Variants in EGFLAM observed in about 807,000 individuals in gnomAD.
The protein encoded by EGFLAM is pikachurin.
In EGFLAM, 79 loss-of-function variants were observed where a neutral mutation model predicts 113.1. That is an observed-to-expected ratio of 0.70 (90% CI 0.58 to 0.84). The LOEUF (loss-of-function observed/expected upper bound fraction) is 0.84. Among genes scored for constraint, EGFLAM ranks in the 40% least tolerant of loss-of-function variants. The pLI, the probability that EGFLAM is intolerant of heterozygous loss-of-function variation, is 0.00. For synonymous variants in EGFLAM, 504 were observed against 487.6 expected (o/e 1.03, Z -0.44); for missense variants, 1,265 against 1,291.6 (o/e 0.98, Z 0.32).
At chr5:38,348,547 A>T (rs1043795116) in intron 3 of EGFLAM, among the ~76,000 whole-genome samples, 2 of 152,170 alleles carry the variant, frequency 1.3e-5, no homozygotes, top group African/African-American at 2.4e-5. Flanking sequence ...ACTGAGATGC[A>T]CTCACTGGAT....
chr5:38,268,772 CAA>C (rs1054432999), intron 1 of EGFLAM, among the ~76,000 whole-genome samples: 8 of 152,144 alleles, frequency 5.3e-5, no homozygotes, highest in African/African-American at 1.9e-4. Context: ...ACTAAACAGT[CAA>C]ATTGATTTAG....
intron 3 of EGFLAM, among the ~76,000 whole-genome samples, chr5:38,346,200 C>T (rs895966386): frequency 2.6e-5 from 4 of 152,082 alleles, no homozygotes; most frequent in African/African-American, 2.4e-5. Flanking sequence ...ACTACAAATA[C>T]GATTTTGCTT....
chr5:38,368,532 G>A (rs553312059), intron 5 of EGFLAM, among the ~76,000 whole-genome samples: 9 of 152,110 alleles, frequency 5.9e-5, no homozygotes, highest in South Asian at 2.1e-4. Flanking sequence ...TGTTCACCCC[G>A]GCATCTTCTT....
intron 5 of EGFLAM, among the ~76,000 whole-genome samples, chr5:38,358,424 G>A (rs1336189311): frequency 1.5e-5 from 2 of 129,972 alleles, no homozygotes; most frequent in Non-Finnish European, 3.1e-5. Context: ...TCCAGCCTGG[G>A]CGACAGAGCA....
At chr5:38,428,803 A>G (rs138544466) in intron 14 of EGFLAM, among the ~76,000 whole-genome samples, 1 of 151,820 alleles carries the variant, frequency 6.6e-6, no homozygotes, top group Non-Finnish European at 1.5e-5. Context: ...GGTGCTTTTA[A>G]TTTTTTTTTG....
chr5:38,371,945 T>C (rs1740233413), intron 6 of EGFLAM, among the ~76,000 whole-genome samples: 1 of 152,068 alleles, frequency 6.6e-6, no homozygotes, highest in Non-Finnish European at 1.5e-5. Context: ...CCATCCACCC[T>C]CCCCATGGAA....
chr5:38,305,303 T>C, intron 1 of EGFLAM: 1 of 247,116 alleles, frequency 4.0e-6, no homozygotes, highest in Admixed American at 4.4e-5. Context: ...GCAAGAAGAT[T>C]GCAGGGCAAT....
chr5:38,303,219 T>G (rs1025054247), intron 1 of EGFLAM, among the ~76,000 whole-genome samples: 3 of 152,182 alleles, frequency 2.0e-5, no homozygotes, highest in African/African-American at 7.2e-5. Context: ...TTCATCACTC[T>G]TCAATCAGTG....
rs1478444718 is a variant in EGFLAM at position 38,258,679 on chromosome 5, C to G, written c.-76C>G. On this transcript the variant is annotated 5_prime_UTR_variant, in exon 1 of 22. Transcript: ENST00000322350. ...GCCCGGGGATCCGTTGGGGCCGCGT[C>G]CCCCACGCGCCCCCGGAGACGCCCT... 40 of 1,489,764 alleles carry G rather than the reference C, an allele frequency of 2.7e-5. No homozygotes were observed. The highest frequency in any genetic ancestry group is 2.9e-5 in the Non-Finnish European group (32 of 1,090,620). 92.3% of individuals were successfully genotyped at this position (1,489,764 alleles called of 1,614,324 possible).
intron 1 of EGFLAM, among the ~76,000 whole-genome samples, chr5:38,333,127 T>C (rs1358676889): frequency 6.6e-6 from 1 of 152,236 alleles, no homozygotes; most frequent in African/African-American, 2.4e-5. Context: ...ACAAAAGACA[T>C]GATCTCTTTC....
chr5:38,272,610 C>G (rs1030315568), intron 1 of EGFLAM, among the ~76,000 whole-genome samples: 1 of 152,176 alleles, frequency 6.6e-6, no homozygotes, highest in African/African-American at 2.4e-5. Flanking sequence ...GCAAAGCAGC[C>G]AAAAGCTAGA....
chr5:38,324,419 C>T (rs1028604255), intron 1 of EGFLAM, among the ~76,000 whole-genome samples: 2 of 152,206 alleles, frequency 1.3e-5, no homozygotes, highest in East Asian at 3.9e-4. Flanking sequence ...TCTATATAAT[C>T]AGTATGCTTC....
chr5:38,410,613 T>C (rs1741447541), intron 10 of EGFLAM, among the ~76,000 whole-genome samples: 1 of 152,136 alleles, frequency 6.6e-6, no homozygotes, highest in Admixed American at 6.5e-5. Flanking sequence ...ATGGTGGCTA[T>C]TTGGAAGTGG....
At position 38,370,458 on chromosome 5, in the gene EGFLAM, C is replaced by T; in HGVS notation, c.708C>T (p.Thr236=). The change falls in exon 6 of 22, where the codon ACC becomes ACT. Residue 236 remains threonine, a synonymous_variant. Coordinates refer to ENST00000322350, the MANE Select transcript of EGFLAM (RefSeq NM_152403.4). ...GCTGGCCCAGTGACATCATCCGGAC[C>T]CTCTGTGAGTACCAGGGTCCTTCTG... ...PRSWPSDIIR[T]LCPEEAGSGR... is the part of the protein sequence containing the mutation. 6.2e-7 allele frequency: 1 copy of T among 1,613,740 alleles called. No individual in the cohort carries two copies. Among genetic ancestry groups the T allele is most frequent in the South Asian group, 1.1e-5 (1 of 91,044 alleles).
At chr5:38,312,008 G>A (rs915768197) in intron 1 of EGFLAM, among the ~76,000 whole-genome samples, 2 of 152,154 alleles carry the variant, frequency 1.3e-5, no homozygotes, top group Non-Finnish European at 1.5e-5. Flanking sequence ...ATTCTTGCTA[G>A]CCCTGTAACC....
At chr5:38,412,902 A>G (rs2112146726) in intron 11 of EGFLAM, among the ~76,000 whole-genome samples, 1 of 152,310 alleles carries the variant, frequency 6.6e-6, no homozygotes, top group African/African-American at 2.4e-5. Flanking sequence ...ACTTGCAAGC[A>G]TCATTGCTGT....
intron 6 of EGFLAM, among the ~76,000 whole-genome samples, chr5:38,384,911 T>TG (rs913766293): frequency 9.2e-5 from 14 of 152,164 alleles, no homozygotes; most frequent in Non-Finnish European, 2.1e-4. Flanking sequence ...CTGTCACAAC[T>TG]GGGGGGAAAG....
In EGFLAM at chr5:38,464,805, C is replaced by T. The variant is rs1743414496; in HGVS notation, c.*819C>T. On this transcript the variant is annotated 3_prime_UTR_variant, in exon 22 of 22. Transcript: ENST00000322350. ...GACTTGTTTGGGCCTTTTGTGGTGT[C>T]AGTGGAATGGATAGGTAACTTGGGT... is the stretch of plus-strand genomic sequence containing the variant. 1 of 152,148 alleles carries T rather than the reference C, an allele frequency of 6.6e-6. No homozygotes were observed. Among genetic ancestry groups the T allele is most frequent in the Admixed American group, 6.5e-5 (1 of 15,282 alleles). 9.4% of individuals were successfully genotyped at this position (152,148 alleles called of 1,614,324 possible).
intron 1 of EGFLAM, among the ~76,000 whole-genome samples, chr5:38,320,604 G>A (rs1738712907): frequency 1.3e-5 from 2 of 152,200 alleles, no homozygotes; most frequent in African/African-American, 4.8e-5. Context: ...ATGTGTGTCT[G>A]CATGTGTGCA....
Sources: gnomAD v4.1 joint callset for allele counts (sites outside exome capture counted in the v4.1 genomes callset) on GRCh38, gnomAD v4.1.1 for gene constraint, MANE v1.5 for transcripts, NCBI Gene and HGNC (gene_info 2026-07-23, HGNC 2026-07-21) for gene names.